Variants in LRRC4C observed in about 807,000 individuals in gnomAD.
LRRC4C encodes the protein leucine-rich repeat-containing protein 4C.
LRRC4C carries 5 observed loss-of-function variants against 33.6 expected under a neutral mutation model. The ratio of observed to expected loss-of-function variants is 0.15; its 90% CI spans 0.08 to 0.31. LRRC4C has a LOEUF of 0.31. Ranked by LOEUF, LRRC4C falls within the 10% of genes least tolerant of loss-of-function variation. LRRC4C has a pLI of 1.00. For synonymous variants in LRRC4C, 329 were observed against 302.0 expected (o/e 1.09, Z -0.93); for missense variants, 560 against 796.7 (o/e 0.70, Z 3.58).
At chr11:41,296,361 C>T (rs1950143473) in intron 1 of LRRC4C, among the ~76,000 whole-genome samples, 1 of 151,762 alleles carries the variant, frequency 6.6e-6, no homozygotes, top group African/African-American at 2.4e-5. Context: ...GTTGCCCAGC[C>T]TGGAGTGCAG....
intron 1 of LRRC4C, among the ~76,000 whole-genome samples, chr11:41,046,194 G>A (rs576244779): frequency 1.6e-4 from 24 of 151,896 alleles, no homozygotes; most frequent in Admixed American, 2.6e-4. Context: ...ATTAGATAAC[G>A]TGCTTTGTGT....
At chr11:41,096,131 T>C (rs1228108407) in intron 1 of LRRC4C, among the ~76,000 whole-genome samples, 1 of 152,168 alleles carries the variant, frequency 6.6e-6, no homozygotes. Context: ...AAATGAACTC[T>C]AACTCTAATC....
intron 3 of LRRC4C, among the ~76,000 whole-genome samples, chr11:40,363,646 C>T (rs113037902): frequency 0.014 from 2,078 of 152,168 alleles, 42 homozygotes; most frequent in African/African-American, 0.047. Context: ...GCATCTCATG[C>T]TTTTCTCAGC....
At chr11:41,168,722 T>A (rs1321318596) in intron 1 of LRRC4C, among the ~76,000 whole-genome samples, 1 of 152,212 alleles carries the variant, frequency 6.6e-6, no homozygotes, top group Admixed American at 6.5e-5. Context: ...AATACTAAGA[T>A]TCATTTTCAA....
chr11:40,194,931 A>AC (rs1371913684), intron 5 of LRRC4C, among the ~76,000 whole-genome samples: 7 of 151,264 alleles, frequency 4.6e-5, no homozygotes, highest in Admixed American at 4.0e-4. Context: ...TACTTAAAAA[A>AC]AAACAAACAA....
intron 1 of LRRC4C, among the ~76,000 whole-genome samples, chr11:41,361,674 T>C (rs1377942858): frequency 6.6e-6 from 1 of 152,214 alleles, no homozygotes; most frequent in African/African-American, 2.4e-5. Flanking sequence ...TTAATAGGAT[T>C]TAAATTATAT....
chr11:40,371,484 T>C (rs1194211413), intron 3 of LRRC4C, among the ~76,000 whole-genome samples: 1 of 152,196 alleles, frequency 6.6e-6, no homozygotes, highest in Non-Finnish European at 1.5e-5. Flanking sequence ...ACTTCACAAA[T>C]GCCTAAATTT....
chr11:41,178,509 A>T (rs374674990), intron 1 of LRRC4C, among the ~76,000 whole-genome samples: 4 of 152,130 alleles, frequency 2.6e-5, no homozygotes, highest in African/African-American at 9.7e-5. Context: ...GTGCACCACC[A>T]GGTCTGGCAA....
At chr11:41,223,897 G>A (rs1947413205) in intron 1 of LRRC4C, among the ~76,000 whole-genome samples, 1 of 152,130 alleles carries the variant, frequency 6.6e-6, no homozygotes, top group Non-Finnish European at 1.5e-5. Context: ...TCATGCCAGG[G>A]GAAGAGCTGT....
intron 3 of LRRC4C, among the ~76,000 whole-genome samples, chr11:40,537,193 TC>T (rs1393827051): frequency 6.6e-6 from 1 of 152,198 alleles, no homozygotes; most frequent in Non-Finnish European, 1.5e-5. Flanking sequence ...CTGGAATATT[TC>T]CTTTTAGGCT....
intron 5 of LRRC4C, among the ~76,000 whole-genome samples, chr11:40,155,142 A>C (rs1415871786): frequency 6.6e-6 from 1 of 152,172 alleles, no homozygotes; most frequent in African/African-American, 2.4e-5. Flanking sequence ...GATGAAAATT[A>C]AAAAATTCTT....
chr11:40,271,435 A>G (rs1291823221), intron 4 of LRRC4C, among the ~76,000 whole-genome samples: 1 of 152,228 alleles, frequency 6.6e-6, no homozygotes, highest in African/African-American at 2.4e-5. Context: ...CTTCTAACTT[A>G]CTACCTTTAA....
intron 1 of LRRC4C, among the ~76,000 whole-genome samples, chr11:41,304,345 G>C (rs1202874437): frequency 1.8e-5 from 2 of 110,554 alleles, no homozygotes; most frequent in African/African-American, 3.5e-5. Flanking sequence ...CCGGGAGGGA[G>C]GTGGGGGGGT....
At chr11:40,626,335 C>A (rs1339093302) in intron 3 of LRRC4C, among the ~76,000 whole-genome samples, 4 of 152,018 alleles carry the variant, frequency 2.6e-5, no homozygotes, top group Admixed American at 6.6e-5. Flanking sequence ...TTATTGCCCT[C>A]TTTCCTGCTT....
At position 40,336,976 on chromosome 11, in the gene LRRC4C, C is replaced by CAAAAA. The variant is rs34144874; in HGVS notation, c.-269-17260_-269-17256dup. On this transcript the variant is annotated intron_variant, in intron 3 of 6. Coordinates refer to ENST00000528697, the MANE Select transcript of LRRC4C (RefSeq NM_001258419.2). Reference sequence around the variant, plus strand: ...TGGGGGACAGAGCGAGACTTCGTCTCAAAAAAAAAAAAAAAAAAAAAAAAA... The same window carrying CAAAAA: ...TGGGGGACAGAGCGAGACTTCGTCTCAAAAAAAAAAAAAAAAAAAAAAAAAAAAAA... Among the ~76,000 whole-genome samples, 130 of 79,236 alleles carry CAAAAA rather than the reference C, an allele frequency of 1.6e-3. 10 individuals carry two copies. The highest frequency in any genetic ancestry group is 8.2e-3 in the Middle Eastern group (1 of 122). The allele number at this position is 79,236 out of a possible 152,430, so 52.0% of individuals were successfully genotyped here. A position where few individuals can be genotyped will look rare whatever the true frequency, so the allele number is the denominator to read the frequency against.
At chr11:40,423,587 G>A (rs915762647) in intron 3 of LRRC4C, among the ~76,000 whole-genome samples, 3 of 151,782 alleles carry the variant, frequency 2.0e-5, no homozygotes, top group East Asian at 1.9e-4. Context: ...CTCGTGATCC[G>A]CCCGCCTCGG....
chr11:40,394,785 T>G (rs1371678), intron 3 of LRRC4C, among the ~76,000 whole-genome samples: 46,796 of 152,054 alleles, frequency 0.31, 8,859 homozygotes, highest in East Asian at 0.46. Flanking sequence ...TGGCAATGTT[T>G]CATCTTTTCA....
intron 1 of LRRC4C, among the ~76,000 whole-genome samples, chr11:41,371,865 G>A (rs1048605578): frequency 1.3e-5 from 2 of 152,224 alleles, no homozygotes; most frequent in African/African-American, 4.8e-5. Flanking sequence ...GCCGGGCGCG[G>A]TGGCTCATGC....
chr11:40,178,627 A>T (rs1321059478), intron 5 of LRRC4C, among the ~76,000 whole-genome samples: 1 of 152,170 alleles, frequency 6.6e-6, no homozygotes, highest in African/African-American at 2.4e-5. Context: ...TGTTAAGACA[A>T]GGGCTTGTAC....
Sources: gnomAD v4.1 joint callset for allele counts (sites outside exome capture counted in the v4.1 genomes callset) on GRCh38, gnomAD v4.1.1 for gene constraint, MANE v1.5 for transcripts, NCBI Gene and HGNC (gene_info 2026-07-23, HGNC 2026-07-21) for gene names.